DIAPH2: variants seen among roughly 807,000 people sequenced by gnomAD.
DIAPH2 encodes protein diaphanous homolog 2.
A neutral mutation model predicts 92.7 loss-of-function variants in DIAPH2; 35 were observed. The observed-to-expected ratio is 0.38, with a 90% CI of 0.29 to 0.50. DIAPH2 has a LOEUF of 0.50. DIAPH2 is among the 20% of genes least tolerant of loss of function. DIAPH2 has a pLI of 0.94. For missense variants in DIAPH2, 701 were observed against 819.5 expected, an observed-to-expected ratio of 0.86 and a Z score of 1.77; for synonymous variants, 301 against 280.4, an observed-to-expected ratio of 1.07 and a Z score of -0.73.
rs2070704375 is a variant in DIAPH2, at chrX:97,488,570, T to C, written c.3241+58825T>C. 3.6e-5 allele frequency among the ~76,000 whole-genome samples: 4 copies of C among 112,165 alleles called. No individual in the cohort carries two copies. The South Asian group carries it at 1.5e-3, about 41-fold the overall frequency. ...CCCCTTTGTTTTCTTCAAGGAGTTT[T>C]GTAGGTTTAGGTCTTACGTTTAAAT... On this transcript the variant is annotated intron_variant, in intron 26 of 26. Coordinates refer to ENST00000324765, the MANE Select transcript of DIAPH2 (RefSeq NM_006729.5).
chrX:97,023,081 G>A (rs2066308709), intron 17 of DIAPH2, among the ~76,000 whole-genome samples: 1 of 111,317 alleles, frequency 9.0e-6, no homozygotes, highest in African/African-American at 3.3e-5. Context: ...TAAGTATTTG[G>A]CAATTACAAA....
At chrX:96,976,749 T>C (rs1246290255) in intron 17 of DIAPH2, among the ~76,000 whole-genome samples, 2 of 111,149 alleles carry the variant, frequency 1.8e-5, no homozygotes, top group Non-Finnish European at 3.8e-5. Context: ...ATTGACAATA[T>C]GTGGTGAGTG....
chrX:97,460,686 G>A (rs1304130117), intron 26 of DIAPH2, among the ~76,000 whole-genome samples: 3 of 111,454 alleles, frequency 2.7e-5, no homozygotes, highest in African/African-American at 9.8e-5. Context: ...CACAGAGCAC[G>A]CACTAGACAT....
chrX:97,075,080 G>T (rs1386762735), intron 18 of DIAPH2, 87 bp from the exon 19 acceptor site: 4 of 561,691 alleles, frequency 7.1e-6, no homozygotes, highest in Non-Finnish European at 1.1e-5. Flanking sequence ...TTCATATTTT[G>T]AGTCTATGAA....
intron 22 of DIAPH2, among the ~76,000 whole-genome samples, chrX:97,201,116 G>T: frequency 1.0e-5 from 1 of 95,616 alleles, no homozygotes; most frequent in South Asian, 5.8e-4. Context: ...AGCAACAACA[G>T]CATCAACAAG....
At chrX:97,388,887 A>T (rs763393833) in intron 25 of DIAPH2, among the ~76,000 whole-genome samples, 1 of 111,815 alleles carries the variant, frequency 8.9e-6, no homozygotes, top group East Asian at 2.8e-4. Context: ...GAAGAGAAAA[A>T]GAATAATGTC....
At chrX:97,377,370 G>T (rs1461156678) in intron 24 of DIAPH2, among the ~76,000 whole-genome samples, 1 of 112,167 alleles carries the variant, frequency 8.9e-6, no homozygotes, top group Non-Finnish European at 1.9e-5. Flanking sequence ...GACTGGTAAT[G>T]CAGTAGGTTT....
intron 22 of DIAPH2, among the ~76,000 whole-genome samples, chrX:97,211,546 G>T (rs2147505737): frequency 9.0e-6 from 1 of 111,181 alleles, no homozygotes; most frequent in African/African-American, 3.3e-5. Flanking sequence ...AGGTCATGCT[G>T]GGCATTGGAG....
At chrX:97,243,076 G>A (rs892329415) in intron 22 of DIAPH2, among the ~76,000 whole-genome samples, 4 of 110,905 alleles carry the variant, frequency 3.6e-5, no homozygotes, top group African/African-American at 9.8e-5. Context: ...TTGAGCCACC[G>A]CACCTGGCCA....
chrX:97,438,347 T>TTTTGTTTG (rs757393333), intron 26 of DIAPH2, among the ~76,000 whole-genome samples: 6 of 81,553 alleles, frequency 7.4e-5, no homozygotes, highest in African/African-American at 2.7e-4. Context: ...TGTTTTTTTT[T>TTTTGTTTG]TTTGTTTGTT....
At chrX:97,289,899 C>A (rs2068575900) in intron 23 of DIAPH2, among the ~76,000 whole-genome samples, 1 of 109,542 alleles carries the variant, frequency 9.1e-6, no homozygotes, top group Admixed American at 9.9e-5. Context: ...TAACTTTTGG[C>A]ATTTTTAGTA....
intron 17 of DIAPH2, among the ~76,000 whole-genome samples, chrX:96,997,413 A>G (rs748769911): frequency 6.6e-4 from 73 of 111,436 alleles, no homozygotes; most frequent in South Asian, 4.2e-3. Context: ...CTTGGATGGT[A>G]TGTACAGCAT....
Position 97,148,442 on chromosome X carries a change from G to A in DIAPH2, c.2719+6648G>A, listed in dbSNP as rs755043117. Among the ~76,000 whole-genome samples, 12 of 111,699 alleles carry A rather than the reference G, an allele frequency of 1.1e-4. 1 individual carries two copies. The highest frequency in any genetic ancestry group is 1.7e-4 in the Non-Finnish European group (9 of 53,147). On this transcript the variant is annotated intron_variant, in intron 22 of 26. Transcript: ENST00000324765. The stretch of plus-strand genomic sequence containing the variant: ...CTCTGTGTCACAGCAGCCCTTTAGC[G>A]TTATTGGTAATAGAGCACATACCAC...
At chrX:97,389,069 G>GT (rs2069628944) in intron 25 of DIAPH2, among the ~76,000 whole-genome samples, 1 of 111,245 alleles carries the variant, frequency 9.0e-6, no homozygotes, top group Non-Finnish European at 1.9e-5. Context: ...TATGAAAATA[G>GT]TTTTCACCTT....
chrX:96,990,796 T>C lies in DIAPH2; in HGVS notation c.2050+25589T>C, dbSNP rs139719936. 6.6e-3 allele frequency among the ~76,000 whole-genome samples: 733 copies of C among 111,528 alleles called. 6 individuals are homozygous for C. Among genetic ancestry groups the C allele is most frequent in the African/African-American group, 0.023 (695 of 30,698 alleles). ...AGGTAAATGTTACCTTGAAGAGTTA[T>C]ATTTGCTATCATTATCAATATCACT... On this transcript the variant is annotated intron_variant, in intron 17 of 26. Transcript: ENST00000324765.
chrX:96,986,738 C>G (rs1056516428), intron 17 of DIAPH2, among the ~76,000 whole-genome samples: 1 of 111,295 alleles, frequency 9.0e-6, no homozygotes, highest in Admixed American at 9.6e-5. Context: ...ACCTCTTTCC[C>G]TTACCATGTA....
At chrX:97,545,073 T>G (rs779222253) in intron 26 of DIAPH2, among the ~76,000 whole-genome samples, 1 of 110,647 alleles carries the variant, frequency 9.0e-6, no homozygotes, top group African/African-American at 3.3e-5. Flanking sequence ...ACTCCTCTCA[T>G]CTACCCTTTA....
At chrX:97,384,166 T>A (rs1435672184) in intron 25 of DIAPH2, 122 bp downstream of exon 25, 1 of 603,182 alleles carries the variant, frequency 1.7e-6, no homozygotes, top group Admixed American at 4.0e-5. Context: ...TTACTTGTGC[T>A]AAATTTCTCT....
intron 23 of DIAPH2, among the ~76,000 whole-genome samples, chrX:97,284,119 T>C (rs1247257971): frequency 1.8e-5 from 2 of 111,634 alleles, no homozygotes; most frequent in African/African-American, 6.5e-5. Flanking sequence ...GAGGGGCTAG[T>C]GCAGCTAGGA....
Sources: gnomAD v4.1 joint callset for allele counts (sites outside exome capture counted in the v4.1 genomes callset) on GRCh38, gnomAD v4.1.1 for gene constraint, MANE v1.5 for transcripts, NCBI Gene and HGNC (gene_info 2026-07-23, HGNC 2026-07-21) for gene names.